The following DGKI variants were observed in gnomAD, a reference collection of about 807,000 sequenced individuals.
DGKI encodes DAG kinase iota.
DGKI carries 55 observed loss-of-function variants against 147.5 expected under a neutral mutation model. That is an observed-to-expected ratio of 0.37 (90% CI 0.30 to 0.47). DGKI has a LOEUF of 0.47. DGKI is among the 20% of genes least tolerant of loss of function. The probability of loss-of-function intolerance (pLI) is 1.00; values close to 1 mark genes in which losing one functional copy is unlikely to be tolerated. For synonymous variants in DGKI, 469 were observed against 477.1 expected (o/e 0.98, Z 0.22); for missense variants, 1,007 against 1,323.8 (o/e 0.76, Z 3.71).
rs1476308863 is a variant in DGKI, at chr7:137,384,161, A to AG, written c.*7058dup. The stretch of plus-strand genomic sequence containing the variant: ...TCATCCTAATAGTGACTTCAAAGGA[A>AG]GAAAAATAGGACTAACATTTTTTAA... On this transcript the variant is annotated 3_prime_UTR_variant, in exon 33 of 33. Coordinates refer to ENST00000614521, the MANE Select transcript of DGKI (RefSeq NM_001321708.2). The AG allele has an allele frequency of 3.9e-5, 6 of 152,054 alleles. No homozygotes were observed. The highest frequency in any genetic ancestry group is 3.9e-4 in the Admixed American group (6 of 15,228). 9.4% of individuals were successfully genotyped at this position (152,054 alleles called of 1,614,324 possible).
At chr7:137,590,818 G>A (rs545490282) in intron 12 of DGKI, among the ~76,000 whole-genome samples, 5 of 152,232 alleles carry the variant, frequency 3.3e-5, no homozygotes, top group East Asian at 1.9e-4. Context: ...TCCGCCACGC[G>A]AGCAGCTGGG....
At chr7:137,717,029 C>CTT (rs1794396656) in intron 1 of DGKI, among the ~76,000 whole-genome samples, 2 of 152,206 alleles carry the variant, frequency 1.3e-5, no homozygotes, top group East Asian at 1.9e-4. Context: ...TCTACTTGTA[C>CTT]TATATGGTAA....
intron 1 of DGKI, among the ~76,000 whole-genome samples, chr7:137,841,594 A>G (rs752352098): frequency 1.3e-5 from 2 of 152,234 alleles, no homozygotes; most frequent in Non-Finnish European, 2.9e-5. Context: ...CCATGGAAGA[A>G]AGCAAATGTC....
chr7:137,517,321 AAGAAAG>A (rs1554421269), intron 21 of DGKI, among the ~76,000 whole-genome samples: 1 of 130,260 alleles, frequency 7.7e-6, no homozygotes, highest in Non-Finnish European at 1.6e-5. Context: ...GAAAGAAAGA[AAGAAAG>A]AAAGAAAGAA....
At chr7:137,523,299 C>T (rs1353865443) in intron 20 of DGKI, among the ~76,000 whole-genome samples, 1 of 151,966 alleles carries the variant, frequency 6.6e-6, no homozygotes, top group Non-Finnish European at 1.5e-5. Flanking sequence ...ATTCTGTTGT[C>T]TAAAGCCTCA....
At chr7:137,757,332 C>A (rs1795719855) in intron 1 of DGKI, among the ~76,000 whole-genome samples, 1 of 152,180 alleles carries the variant, frequency 6.6e-6, no homozygotes, top group South Asian at 2.1e-4. Context: ...TTCTCTTTAC[C>A]ACTCTTTCTT....
At chr7:137,750,423 CA>C (rs1795461850) in intron 1 of DGKI, among the ~76,000 whole-genome samples, 1 of 118,792 alleles carries the variant, frequency 8.4e-6, no homozygotes, top group African/African-American at 3.2e-5. Context: ...TGTTGTATCA[CA>C]AGTGCCTAGA....
At chr7:137,473,893 C>T (rs1815075209) in intron 23 of DGKI, among the ~76,000 whole-genome samples, 1 of 152,116 alleles carries the variant, frequency 6.6e-6, no homozygotes, top group South Asian at 2.1e-4. Context: ...CTTAAAGGCA[C>T]AGGAATCTGA....
At chr7:137,401,036 A>T (rs1350382758) in intron 30 of DGKI, among the ~76,000 whole-genome samples, 1 of 152,188 alleles carries the variant, frequency 6.6e-6, no homozygotes, top group Non-Finnish European at 1.5e-5. Flanking sequence ...GGATGCCAGG[A>T]GAAGCCTAAG....
chr7:137,401,310 C>T (rs570464830), intron 30 of DGKI, among the ~76,000 whole-genome samples: 2 of 151,562 alleles, frequency 1.3e-5, no homozygotes, highest in South Asian at 4.2e-4. Flanking sequence ...GGTGGGAGGA[C>T]TGTTTGAGCC....
At chr7:137,823,533 G>A (rs369975621) in intron 1 of DGKI, among the ~76,000 whole-genome samples, 9 of 152,272 alleles carry the variant, frequency 5.9e-5, no homozygotes, top group South Asian at 4.2e-4. Flanking sequence ...AGAGTTCCTG[G>A]GGAAAAAACC....
chr7:137,485,335 C>G, intron 23 of DGKI, 39 bp downstream of exon 23: 1 of 1,532,458 alleles, frequency 6.5e-7, no homozygotes, highest in Non-Finnish European at 8.9e-7. Context: ...CTTCATTTGG[C>G]CAGAAGGTAA....
intron 20 of DGKI, among the ~76,000 whole-genome samples, chr7:137,530,908 G>A (rs1420652408): frequency 6.6e-6 from 1 of 152,016 alleles, no homozygotes; most frequent in Non-Finnish European, 1.5e-5. Flanking sequence ...CAAAAGAGAA[G>A]AATTTCTACT....
intron 5 of DGKI, 100 bp downstream of exon 5, chr7:137,654,632 A>T: frequency 1.1e-6 from 1 of 890,582 alleles, no homozygotes; most frequent in South Asian, 1.4e-5. Flanking sequence ...CAACAGAAAG[A>T]GATAGAATTT....
intron 30 of DGKI, among the ~76,000 whole-genome samples, chr7:137,405,507 C>T (rs1472946619): frequency 5.9e-5 from 9 of 152,278 alleles, no homozygotes; most frequent in Admixed American, 5.2e-4. Context: ...AAGTTTAGGA[C>T]ATTGTTCACT....
intron 15 of DGKI, among the ~76,000 whole-genome samples, chr7:137,581,570 T>C (rs1819193355): frequency 6.6e-6 from 1 of 152,170 alleles, no homozygotes; most frequent in Middle Eastern, 3.4e-3. Context: ...AGATTAACAA[T>C]CCCAAGACCT....
At chr7:137,778,153 G>T (rs1023841183) in intron 1 of DGKI, among the ~76,000 whole-genome samples, 1 of 152,068 alleles carries the variant, frequency 6.6e-6, no homozygotes, top group Non-Finnish European at 1.5e-5. Context: ...TTTCAATAAC[G>T]CCCAGAAGTT....
chr7:137,422,765 T>C (rs1647194), intron 28 of DGKI, among the ~76,000 whole-genome samples: 145,470 of 151,834 alleles, frequency 0.96, 69,992 homozygotes, highest in East Asian at 1. Context: ...CCACCACACC[T>C]GGCTAATTTT....
At position 137,687,498 on chromosome 7, in the gene DGKI, C is replaced by A. The variant is rs372003760; in HGVS notation, c.510+2396G>T. On this transcript the variant is annotated intron_variant, in intron 2 of 32. Transcript: ENST00000614521. ...CACCTTAAACAGAACAAAGAAATCC[C>A]TGGCTGGCTCCTTGAACAGAAGAGC... Among the ~76,000 whole-genome samples, 16 of 152,300 alleles carry A rather than the reference C, an allele frequency of 1.1e-4. No homozygotes were observed. The South Asian group carries it at 2.1e-3, about 20-fold the overall frequency.
Sources: allele counts gnomAD v4.1 joint callset (sites outside exome capture counted in the v4.1 genomes callset), GRCh38; gene constraint gnomAD v4.1.1; transcripts MANE v1.5; gene names NCBI Gene and HGNC (gene_info 2026-07-23, HGNC 2026-07-21).